Variants in NAALADL2 observed in about 807,000 individuals in gnomAD.
NAALADL2 encodes inactive N-acetylated-alpha-linked acidic dipeptidase-like protein 2.
In NAALADL2, 76 loss-of-function variants were observed where a neutral mutation model predicts 87.2. The observed-to-expected ratio is 0.87, with a 90% CI of 0.72 to 1.05. NAALADL2 has a LOEUF of 1.05. Among genes scored for constraint, NAALADL2 ranks in the 50% least tolerant of loss-of-function variants. The pLI is 0.00. For synonymous variants in NAALADL2, 354 were observed against 331.0 expected (o/e 1.07, Z -0.75); for missense variants, 1,089 against 945.8 (o/e 1.15, Z -1.99).
At chr3:174,807,899 G>T (rs934046208) in intron 3 of NAALADL2, among the ~76,000 whole-genome samples, 1 of 151,754 alleles carries the variant, frequency 6.6e-6, no homozygotes, top group Admixed American at 6.6e-5. Context: ...GAGAGAGAGA[G>T]ATATGCAGTG....
chr3:175,206,918 T>C (rs1741020559), intron 2 of NAALADL2, among the ~76,000 whole-genome samples: 1 of 152,028 alleles, frequency 6.6e-6, no homozygotes. Flanking sequence ...GAACTCATGA[T>C]TATTGAGAGG....
At chr3:175,611,510 A>C (rs1724649991) in intron 10 of NAALADL2, among the ~76,000 whole-genome samples, 1 of 152,108 alleles carries the variant, frequency 6.6e-6, no homozygotes. Flanking sequence ...AAAAAGAGGC[A>C]ATTTGTTTTA....
intron 2 of NAALADL2, among the ~76,000 whole-genome samples, chr3:175,123,005 T>C (rs1221042517): frequency 6.6e-6 from 1 of 151,908 alleles, no homozygotes; most frequent in Admixed American, 6.6e-5. Flanking sequence ...ATTCCTATGA[T>C]AATGAACCCA....
chr3:175,286,000 G>T (rs569616573), intron 4 of NAALADL2, among the ~76,000 whole-genome samples: 19 of 152,022 alleles, frequency 1.2e-4, no homozygotes, highest in African/African-American at 4.1e-4. Flanking sequence ...TTCAAAATAC[G>T]TTGTAAAAAC....
intron 6 of NAALADL2, among the ~76,000 whole-genome samples, chr3:175,461,121 T>C (rs1723063533): frequency 6.6e-6 from 1 of 152,150 alleles, no homozygotes; most frequent in Non-Finnish European, 1.5e-5. Context: ...AGAGTGCTGA[T>C]TGGTGCATTT....
chr3:174,503,040 ACC>A (rs1560018521), intron 1 of NAALADL2, among the ~76,000 whole-genome samples: 1 of 149,876 alleles, frequency 6.7e-6, no homozygotes, highest in East Asian at 2.0e-4. Flanking sequence ...AAAAAAAAAA[ACC>A]TCTTATCTTT....
At chr3:175,681,827 T>C (rs1356676237) in intron 11 of NAALADL2, among the ~76,000 whole-genome samples, 2 of 152,182 alleles carry the variant, frequency 1.3e-5, no homozygotes, top group Non-Finnish European at 2.9e-5. Context: ...AGACAGGGGC[T>C]GATGTAGAGC....
rs112703325 is a variant in NAALADL2, at chr3:174,872,487, A to G, written c.43+13037A>G. Among the ~76,000 whole-genome samples the G allele has an allele frequency of 7.0e-3, 1,062 of 152,318 alleles. 12 individuals are homozygous for G. The highest frequency in any genetic ancestry group is 0.024 in the African/African-American group (1,001 of 41,570). Reference sequence around the variant, plus strand: ...CATTTTTGGCAAGTTGAGAACTCAAATTTAAAGCATTTCACTGAAGTAGAT... The same window carrying G: ...CATTTTTGGCAAGTTGAGAACTCAAGTTTAAAGCATTTCACTGAAGTAGAT... On this transcript the variant is annotated intron_variant, in intron 1 of 13. Coordinates refer to ENST00000454872, the MANE Select transcript of NAALADL2 (RefSeq NM_207015.3).
intron 5 of NAALADL2, among the ~76,000 whole-genome samples, chr3:175,396,288 G>C (rs9817731): frequency 0.33 from 49,324 of 151,730 alleles, 8,234 homozygotes; most frequent in East Asian, 0.48. Flanking sequence ...ACTCCCAAGA[G>C]TAGGAGGCCA....
At chr3:175,594,629 A>G (rs1288645706) in intron 10 of NAALADL2, among the ~76,000 whole-genome samples, 1 of 152,182 alleles carries the variant, frequency 6.6e-6, no homozygotes, top group East Asian at 1.9e-4. Context: ...TCAACAGTAT[A>G]TAAGCGTTAC....
intron 2 of NAALADL2, among the ~76,000 whole-genome samples, chr3:175,186,908 T>A (rs1186444063): frequency 6.6e-6 from 1 of 152,130 alleles, no homozygotes; most frequent in African/African-American, 2.4e-5. Context: ...GGGAAAATAA[T>A]AATAATAATA....
At chr3:175,686,787 T>C (rs970977629) in intron 11 of NAALADL2, among the ~76,000 whole-genome samples, 2 of 152,146 alleles carry the variant, frequency 1.3e-5, no homozygotes, top group Non-Finnish European at 2.9e-5. Flanking sequence ...TTGCAAAATA[T>C]ATTGCTTAAA....
chr3:174,746,118 T>C (rs1259880409), intron 3 of NAALADL2, among the ~76,000 whole-genome samples: 1 of 152,126 alleles, frequency 6.6e-6, no homozygotes, highest in South Asian at 2.1e-4. Context: ...GGTATTCAAA[T>C]TGGAAGAGAG....
chr3:175,662,479 T>C (rs894741003), intron 11 of NAALADL2, among the ~76,000 whole-genome samples: 1 of 152,028 alleles, frequency 6.6e-6, no homozygotes, highest in African/African-American at 2.4e-5. Flanking sequence ...ATGCTTTTTA[T>C]TTCTTTTTCT....
At chr3:174,573,186 T>A (rs1234292783) in intron 2 of NAALADL2, among the ~76,000 whole-genome samples, 1 of 152,194 alleles carries the variant, frequency 6.6e-6, no homozygotes, top group East Asian at 1.9e-4. Flanking sequence ...GACAGTGGGG[T>A]GCTGGTAAAT....
chr3:174,854,174 A>G (rs1192438782), intron 3 of NAALADL2, among the ~76,000 whole-genome samples: 1 of 152,212 alleles, frequency 6.6e-6, no homozygotes, highest in Non-Finnish European at 1.5e-5. Flanking sequence ...TATAGTACTT[A>G]TACATAATAA....
chr3:175,169,205 A>C lies in NAALADL2; in HGVS notation c.546-64726A>C, dbSNP rs535664730. Among the ~76,000 whole-genome samples the C allele has an allele frequency of 4.0e-5, 6 of 151,874 alleles. No homozygotes were observed. In the South Asian group the frequency reaches 8.3e-4, roughly 21 times the overall value. ...ATGCTTTCTACAAATGCTTACTTCA[A>C]ACATAAATCTTTTTGTGGTTTTTGT... On this transcript the variant is annotated intron_variant, in intron 2 of 13. Coordinates refer to ENST00000454872, the MANE Select transcript of NAALADL2 (RefSeq NM_207015.3).
chr3:175,075,982 C>G (rs1431005420), intron 1 of NAALADL2, among the ~76,000 whole-genome samples: 1 of 152,040 alleles, frequency 6.6e-6, no homozygotes, highest in Non-Finnish European at 1.5e-5. Flanking sequence ...AATCCCAGTA[C>G]TTTAGGAGGC....
At chr3:174,683,007 C>T (rs1399011433) in intron 2 of NAALADL2, among the ~76,000 whole-genome samples, 1 of 152,080 alleles carries the variant, frequency 6.6e-6, no homozygotes, top group African/African-American at 2.4e-5. Context: ...AACTCAAAGA[C>T]ATTTAAGATA....
Sources: allele counts gnomAD v4.1 joint callset (sites outside exome capture counted in the v4.1 genomes callset), GRCh38; gene constraint gnomAD v4.1.1; transcripts MANE v1.5; gene names NCBI Gene and HGNC (gene_info 2026-07-23, HGNC 2026-07-21).